Variants in VPS13A observed in about 807,000 individuals in gnomAD.
The protein encoded by VPS13A is intermembrane lipid transfer protein VPS13A.
VPS13A carries 264 observed loss-of-function variants against 390.9 expected under a neutral mutation model. The ratio of observed to expected loss-of-function variants is 0.68; its 90% confidence interval spans 0.61 to 0.75. The LOEUF (loss-of-function observed/expected upper bound fraction) is 0.75. Among genes scored for constraint, VPS13A ranks in the 30% least tolerant of loss-of-function variants. VPS13A has a pLI of 0.00. For missense variants in VPS13A, 3,409 were observed against 3,733.9 expected (o/e 0.91, Z 2.27); for synonymous variants, 1,231 against 1,227.1 (o/e 1.00, Z -0.07).
rs17195354 is a variant in VPS13A, at chr9:77,213,151, C to T, written c.616-83C>T. ...TTGTTTAACTCTGTGATATGGCTCA[C>T]TTAATTATTTGAGACTTCTGAAAAT... On this transcript the variant is annotated intron_variant, in intron 8 of 71. Transcript: ENST00000360280. The T allele has an allele frequency of 0.015, 22,614 of 1,532,602 alleles. 1,084 individuals carry two copies. The highest frequency in any genetic ancestry group is 0.13 in the African/African-American group (9,417 of 73,188). 94.9% of individuals were successfully genotyped at this position (1,532,602 alleles called of 1,614,324 possible).
chr9:77,288,563 T>G (rs1827473598), intron 31 of VPS13A, among the ~76,000 whole-genome samples: 1 of 152,234 alleles, frequency 6.6e-6, no homozygotes, highest in Non-Finnish European at 1.5e-5. Context: ...CTTCTAAATA[T>G]TTTGAGATTT....
At chr9:77,345,840 A>G (rs1039991685) in intron 52 of VPS13A, among the ~76,000 whole-genome samples, 1 of 152,218 alleles carries the variant, frequency 6.6e-6, no homozygotes, top group Non-Finnish European at 1.5e-5. Flanking sequence ...GACATTGAGT[A>G]GGGACCACAG....
chr9:77,280,108 T>C (rs753528509), intron 26 of VPS13A, 51 bp from the exon 27 acceptor site: 1 of 1,398,152 alleles, frequency 7.2e-7, no homozygotes, highest in Non-Finnish European at 1.0e-6. Context: ...CTTGCATTTA[T>C]TTTCAGTTAC....
At chr9:77,295,384 TAAGATTTA>T (rs1827922811) in intron 32 of VPS13A, among the ~76,000 whole-genome samples, 150 bp from the exon 33 acceptor site, 1 of 152,118 alleles carries the variant, frequency 6.6e-6, no homozygotes. Flanking sequence ...GGCAGAAAAT[TAAGATTTA>T]ATATAGACAG....
intron 23 of VPS13A, among the ~76,000 whole-genome samples, chr9:77,266,240 A>G (rs1415964617): frequency 6.6e-6 from 1 of 152,154 alleles, no homozygotes; most frequent in African/African-American, 2.4e-5. Context: ...AATAAATGTG[A>G]TGTGGTTCTG....
Position 77,407,517 on chromosome 9 carries a change from C to T in VPS13A, c.9400-16C>T, listed in dbSNP as rs1388204218. 2.5e-6 allele frequency: 4 copies of T among 1,599,516 alleles called. No homozygotes were observed. Among genetic ancestry groups the T allele is most frequent in the Admixed American group, 1.7e-5 (1 of 59,932 alleles). The stretch of plus-strand genomic sequence containing the variant: ...CCAGATTATCTTTTTAATGAATTTA[C>T]ATATTCTGTTTATAGGAACGAGTGA... On this transcript the variant is annotated splice_polypyrimidine_tract_variant and intron_variant, in intron 70 of 71. Coordinates refer to ENST00000360280, the MANE Select transcript of VPS13A (RefSeq NM_033305.3).
At chr9:77,258,303 C>A (rs868391651) in intron 22 of VPS13A, among the ~76,000 whole-genome samples, 1 of 152,120 alleles carries the variant, frequency 6.6e-6, no homozygotes. Flanking sequence ...AGGCTTCATG[C>A]CTAGTTAAAG....
chr9:77,356,847 CA>C lies in VPS13A; in HGVS notation c.7787del (p.Gln2596ArgfsTer10). ...TTCTCCTTCAGAAGATAAGGTTATT[CA>C]GTTGGACACTAATGTTCCGGTAATA... ...ESSPSEDKVI[Q>X]LDTNVPVRLT... On this transcript the variant is annotated frameshift_variant, in exon 55 of 72. Coordinates refer to ENST00000360280, the MANE Select transcript of VPS13A (RefSeq NM_033305.3). LOFTEE classifies it high-confidence loss of function. 1 of 1,613,770 alleles carries C rather than the reference CA, an allele frequency of 6.2e-7. No homozygotes were observed. The highest frequency in any genetic ancestry group is 8.5e-7 in the Non-Finnish European group (1 of 1,179,924).
At chr9:77,330,540 A>G (rs1830229908) in intron 45 of VPS13A, among the ~76,000 whole-genome samples, 1 of 152,212 alleles carries the variant, frequency 6.6e-6, no homozygotes, top group Non-Finnish European at 1.5e-5. Flanking sequence ...CACCATTTAG[A>G]AGCATGTGTT....
chr9:77,320,506 A>T (rs1415190696), intron 42 of VPS13A, among the ~76,000 whole-genome samples: 5 of 152,138 alleles, frequency 3.3e-5, no homozygotes, highest in Non-Finnish European at 5.9e-5. Context: ...CCTAATAATG[A>T]CTTGGTCAAC....
intron 23 of VPS13A, among the ~76,000 whole-genome samples, chr9:77,269,522 C>T (rs1826233472): frequency 6.6e-6 from 1 of 152,136 alleles, no homozygotes; most frequent in Non-Finnish European, 1.5e-5. Context: ...TCGACTGATT[C>T]CTTTGCCTTT....
At chr9:77,227,281 A>T in intron 15 of VPS13A, 110 bp from the exon 16 acceptor site, 2 of 788,234 alleles carry the variant, frequency 2.5e-6, no homozygotes, top group Non-Finnish European at 2.1e-6. Flanking sequence ...ATAATTTCTT[A>T]AGAGCGTTCA....
chr9:77,356,220 T>C (rs1831770602), intron 54 of VPS13A, among the ~76,000 whole-genome samples: 1 of 152,200 alleles, frequency 6.6e-6, no homozygotes, highest in South Asian at 2.1e-4. Flanking sequence ...CCTCTCTACC[T>C]GAAATGTTTT....
At chr9:77,373,754 A>G (rs1272934232) in intron 67 of VPS13A, among the ~76,000 whole-genome samples, 3 of 151,646 alleles carry the variant, frequency 2.0e-5, no homozygotes, top group Non-Finnish European at 4.4e-5. Flanking sequence ...AAGGGCTAAT[A>G]TCCAGAATCT....
At chr9:77,185,994 A>G (rs1485846096) in intron 1 of VPS13A, among the ~76,000 whole-genome samples, 1 of 152,122 alleles carries the variant, frequency 6.6e-6, no homozygotes, top group East Asian at 1.9e-4. Flanking sequence ...TGAGCATGGT[A>G]ATGTGCGCCT....
At chr9:77,300,204 A>C (rs1428632165) in intron 33 of VPS13A, among the ~76,000 whole-genome samples, 1 of 152,194 alleles carries the variant, frequency 6.6e-6, no homozygotes, top group Non-Finnish European at 1.5e-5. Flanking sequence ...TCCTGTTTTT[A>C]GAAAATCTAA....
chr9:77,360,724 TTG>T (rs1832097424), intron 59 of VPS13A, 83 bp downstream of exon 59: 2 of 1,037,898 alleles, frequency 1.9e-6, no homozygotes, highest in Non-Finnish European at 2.9e-6. Context: ...TAAAATGACT[TTG>T]TTGCATTTTA....
intron 10 of VPS13A, among the ~76,000 whole-genome samples, chr9:77,215,329 T>G (rs771277027): frequency 6.6e-5 from 10 of 152,250 alleles, no homozygotes; most frequent in Non-Finnish European, 1.2e-4. Flanking sequence ...TCATGACTAC[T>G]CAAGTGATTC....
intron 27 of VPS13A, 108 bp from the exon 28 acceptor site, chr9:77,281,759 G>T: frequency 1.7e-6 from 1 of 587,460 alleles, no homozygotes; most frequent in Non-Finnish European, 3.1e-6. Flanking sequence ...ATATATATAT[G>T]TATATGAACA....
Sources: allele counts gnomAD v4.1 joint callset (sites outside exome capture counted in the v4.1 genomes callset), GRCh38; gene constraint gnomAD v4.1.1; transcripts MANE v1.5; gene names NCBI Gene and HGNC (gene_info 2026-07-23, HGNC 2026-07-21).